PAFAH1B1: variants seen among roughly 807,000 people sequenced by gnomAD.
PAFAH1B1 encodes the protein platelet activating factor acetylhydrolase 1b regulatory subunit 1.
In PAFAH1B1, 2 loss-of-function variants were observed where a neutral mutation model predicts 57.5. That is an observed-to-expected ratio of 0.03 (90% CI 0.01 to 0.11). The LOEUF (loss-of-function observed/expected upper bound fraction) is 0.11. PAFAH1B1 is among the 10% of genes least tolerant of loss of function. The pLI is 1.00. For missense variants in PAFAH1B1, 257 were observed against 512.0 expected (o/e 0.50, Z 4.81); for synonymous variants, 152 against 169.6 (o/e 0.90, Z 0.81).
intron 2 of PAFAH1B1, among the ~76,000 whole-genome samples, chr17:2,643,183 C>G (rs547157303): frequency 6.6e-6 from 1 of 152,204 alleles, no homozygotes; most frequent in Admixed American, 6.5e-5. Context: ...GCCTTGACCT[C>G]CTGGGCTAAA....
chr17:2,670,015 T>C, intron 5 of PAFAH1B1, 148 bp from the exon 6 acceptor site: 1 of 728,416 alleles, frequency 1.4e-6, no homozygotes. Context: ...AATTTATACA[T>C]GAGATACAAT....
intron 1 of PAFAH1B1, among the ~76,000 whole-genome samples, chr17:2,629,067 GTTTT>G (rs970118840): frequency 6.6e-6 from 1 of 151,874 alleles, no homozygotes; most frequent in Non-Finnish European, 1.5e-5. Context: ...TTTGTACTGT[GTTTT>G]TTTGTTTGTT....
At chr17:2,624,931 T>C (rs2151625602) in intron 1 of PAFAH1B1, among the ~76,000 whole-genome samples, 1 of 152,328 alleles carries the variant, frequency 6.6e-6, no homozygotes, top group Non-Finnish European at 1.5e-5. Context: ...TAAGTCTTTA[T>C]TTCTTCCTTC....
rs1479592388 is a variant in PAFAH1B1, at chr17:2,647,663, ACT to A, written c.32+9347_32+9348del. Among the ~76,000 whole-genome samples, 11 of 152,314 alleles carry A rather than the reference ACT, an allele frequency of 7.2e-5. No individual in the cohort carries two copies. The East Asian group carries it at 2.1e-3, about 29-fold the overall frequency. On this transcript the variant is annotated intron_variant, in intron 2 of 10. Coordinates refer to ENST00000397195, the MANE Select transcript of PAFAH1B1 (RefSeq NM_000430.4). ...TGCTCATTGCCAAATGTATTCATCCACTCTCATGCTGCTAATAAAAACATACC... is the reference window on the plus strand; with the variant it reads ...TGCTCATTGCCAAATGTATTCATCCACTCATGCTGCTAATAAAAACATACC...
At chr17:2,605,469 T>C (rs893950238) in intron 1 of PAFAH1B1, among the ~76,000 whole-genome samples, 5 of 152,208 alleles carry the variant, frequency 3.3e-5, no homozygotes, top group Admixed American at 3.3e-4. Flanking sequence ...TGGTACTGAA[T>C]AGGTGTTTAT....
chr17:2,617,872 G>A (rs1287053380), intron 1 of PAFAH1B1, among the ~76,000 whole-genome samples: 1 of 151,928 alleles, frequency 6.6e-6, no homozygotes, highest in Non-Finnish European at 1.5e-5. Context: ...GGGAGGGAGT[G>A]GAGATTGCGC....
chr17:2,648,394 T>C (rs1478301163), intron 2 of PAFAH1B1, among the ~76,000 whole-genome samples: 2 of 152,138 alleles, frequency 1.3e-5, no homozygotes, highest in South Asian at 2.1e-4. Flanking sequence ...AAGAAATTTA[T>C]GGCCGGGCAT....
Position 2,651,298 on chromosome 17 carries a change from C to T in PAFAH1B1, c.32+12978C>T, listed in dbSNP as rs139441590. ...CTTTACATTAATAATACATTTTGGC[C>T]GGGTGCGGTGGCTCACGTATGTAAT... On this transcript the variant is annotated intron_variant, in intron 2 of 10. Coordinates refer to ENST00000397195, the MANE Select transcript of PAFAH1B1 (RefSeq NM_000430.4). Among the ~76,000 whole-genome samples the T allele has an allele frequency of 1.1e-3, 172 of 151,228 alleles. No homozygotes were observed. In the East Asian group the frequency reaches 0.018, roughly 16 times the overall value.
At chr17:2,605,715 T>C (rs1339560109) in intron 1 of PAFAH1B1, among the ~76,000 whole-genome samples, 1 of 152,224 alleles carries the variant, frequency 6.6e-6, no homozygotes, top group Non-Finnish European at 1.5e-5. Flanking sequence ...TTCTTTTCTC[T>C]GAGTTCGTAA....
chr17:2,618,532 G>A (rs1385573579), intron 1 of PAFAH1B1, among the ~76,000 whole-genome samples: 1 of 152,042 alleles, frequency 6.6e-6, no homozygotes, highest in African/African-American at 2.4e-5. Flanking sequence ...CTAAAGACTG[G>A]AGTCTTTTTC....
intron 1 of PAFAH1B1, among the ~76,000 whole-genome samples, chr17:2,636,560 C>G (rs1036940076): frequency 1.3e-5 from 2 of 151,990 alleles, no homozygotes; most frequent in Non-Finnish European, 2.9e-5. Flanking sequence ...AGCAATTTCT[C>G]GCAAATTTTT....
intron 2 of PAFAH1B1, among the ~76,000 whole-genome samples, chr17:2,663,937 C>T (rs1003412948): frequency 4.6e-5 from 7 of 151,980 alleles, no homozygotes; most frequent in Admixed American, 6.6e-5. Flanking sequence ...TCGTGATGCG[C>T]CCACCTCGGG....
chr17:2,613,123 C>CTT (rs34641583), intron 1 of PAFAH1B1, among the ~76,000 whole-genome samples: 1 of 116,932 alleles, frequency 8.6e-6, no homozygotes, highest in Non-Finnish European at 1.9e-5. Context: ...CTTTTTCTTT[C>CTT]TTTTTTTTTC....
chr17:2,633,610 A>G (rs376295698), intron 1 of PAFAH1B1, among the ~76,000 whole-genome samples: 53 of 151,876 alleles, frequency 3.5e-4, no homozygotes, highest in Non-Finnish European at 6.5e-4. Context: ...TTATGGTACC[A>G]TCTCTGCTTC....
intron 1 of PAFAH1B1, among the ~76,000 whole-genome samples, chr17:2,603,469 A>G (rs2068168614): frequency 6.6e-6 from 1 of 152,086 alleles, no homozygotes; most frequent in Non-Finnish European, 1.5e-5. Context: ...AAAAATAAAA[A>G]AATTAGCTGA....
chr17:2,670,727 A>G (rs1209481163), intron 6 of PAFAH1B1, among the ~76,000 whole-genome samples: 1 of 152,204 alleles, frequency 6.6e-6, no homozygotes, highest in East Asian at 1.9e-4. Context: ...AGCTGAGCGC[A>G]CAGACCCCAT....
At chr17:2,653,121 G>A (rs1597556160) in intron 2 of PAFAH1B1, among the ~76,000 whole-genome samples, 1 of 152,064 alleles carries the variant, frequency 6.6e-6, no homozygotes, top group African/African-American at 2.4e-5. Context: ...CCCTTTATAG[G>A]GACATGGATG....
chr17:2,603,930 G>T (rs1458169665), intron 1 of PAFAH1B1, among the ~76,000 whole-genome samples: 3 of 152,000 alleles, frequency 2.0e-5, no homozygotes, highest in Non-Finnish European at 4.4e-5. Flanking sequence ...TAGAGATGGG[G>T]TTTCACCATG....
intron 1 of PAFAH1B1, among the ~76,000 whole-genome samples, chr17:2,631,125 C>T (rs180768335): frequency 2.0e-5 from 3 of 151,984 alleles, no homozygotes; most frequent in African/African-American, 7.3e-5. Flanking sequence ...CTTGTAATCC[C>T]AGCTACTCAG....
Sources: gnomAD v4.1 joint callset for allele counts (sites outside exome capture counted in the v4.1 genomes callset) on GRCh38, gnomAD v4.1.1 for gene constraint, MANE v1.5 for transcripts, NCBI Gene and HGNC (gene_info 2026-07-23, HGNC 2026-07-21) for gene names.